OTULINL: variants seen among roughly 807,000 people sequenced by gnomAD.
OTULINL encodes the protein inactive ubiquitin thioesterase OTULINL.
A neutral mutation model predicts 43.9 loss-of-function variants in OTULINL; 42 were observed. That is an observed-to-expected ratio of 0.96 (90% CI 0.75 to 1.24). OTULINL has a LOEUF of 1.24. Ranked by LOEUF, OTULINL falls within the 50% of genes most tolerant of loss-of-function variation. OTULINL has a pLI of 0.00. For missense variants in OTULINL, 411 were observed against 426.4 expected (o/e 0.96, Z 0.32); for synonymous variants, 172 against 153.6 (o/e 1.12, Z -0.88).
At position 14,581,819 on chromosome 5, in the gene OTULINL, G is replaced by A; in HGVS notation, c.-76G>A. 1 of 1,206,042 alleles carries A rather than the reference G, an allele frequency of 8.3e-7. No homozygotes were observed. 74.7% of individuals were successfully genotyped at this position (1,206,042 alleles called of 1,614,324 possible). A position where few individuals can be genotyped will look rare whatever the true frequency, so the allele number is the denominator to read the frequency against. On this transcript the variant is annotated 5_prime_UTR_variant, in exon 1 of 8. Coordinates refer to ENST00000274217, the MANE Select transcript of OTULINL (RefSeq NM_019018.3). ...CTCAGGGAAGCGAGCCCGGGCGCCG[G>A]CGGGCGGCCGTCGCGTCTGACAGAC...
rs1759519943 is a variant in OTULINL at position 14,608,631 on chromosome 5, A to C, written c.628-117A>C. 7.0e-6 allele frequency: 6 copies of C among 860,534 alleles called. No homozygotes were observed. The Admixed American group carries it at 1.2e-4, about 17-fold the overall frequency. 53.3% of individuals were successfully genotyped at this position (860,534 alleles called of 1,614,324 possible). On this transcript the variant is annotated intron_variant, in intron 6 of 7. Transcript: ENST00000274217. ...GCCGAAAGATAGAAAGTGAAGAGTT[A>C]AAGTTCCACTTTTTTCTATTAATCT...
chr5:14,608,794 TGTG>T lies in OTULINL; in HGVS notation c.675_677del (p.Met225_Cys226delinsIle). 1 of 1,612,842 alleles carries T rather than the reference TGTG, an allele frequency of 6.2e-7. No individual in the cohort carries two copies. The highest frequency in any genetic ancestry group is 8.5e-7 in the Non-Finnish European group (1 of 1,178,916). On this transcript the variant is annotated inframe_deletion, in exon 7 of 8. Transcript: ENST00000274217. ...AGAGATTATCACAAGAGAGGAAGTA[TGTG>T]CAACACCCTTTTTTCAGATGCCATT...
At chr5:14,600,756 G>A (rs111304003) in intron 1 of OTULINL, among the ~76,000 whole-genome samples, 68 of 152,178 alleles carry the variant, frequency 4.5e-4, no homozygotes, top group African/African-American at 1.5e-3. Context: ...CTTGTATATG[G>A]TGCTGATTAT....
intron 5 of OTULINL, 97 bp from the exon 6 acceptor site, chr5:14,607,233 A>T: frequency 7.4e-7 from 1 of 1,356,480 alleles, no homozygotes. Context: ...CCATCTCGAA[A>T]AAAAAAAAGA....
chr5:14,605,246 ATGGCCCTAGCTATACCTTGCT>A (rs1560966876), intron 5 of OTULINL, among the ~76,000 whole-genome samples: 3 of 152,212 alleles, frequency 2.0e-5, no homozygotes, highest in African/African-American at 7.2e-5. Flanking sequence ...CTCTGAAGGC[ATGGCCCTAGCTATACCTTGCT>A]TGGCCCCTTT....
chr5:14,598,751 A>G (rs997937996), intron 1 of OTULINL, among the ~76,000 whole-genome samples: 3 of 152,220 alleles, frequency 2.0e-5, no homozygotes, highest in African/African-American at 7.2e-5. Flanking sequence ...AGGACAGTTT[A>G]TACTGAAATA....
rs1759598372 is a variant in OTULINL, at chr5:14,612,485, C to A, written c.*2171C>A. ...ACCAAGTTGCGAGAAAGATTTCAAT[C>A]CAGTGAAAGTAAAAAGTAAGAAGAC... On this transcript the variant is annotated 3_prime_UTR_variant, in exon 8 of 8. Coordinates refer to ENST00000274217, the MANE Select transcript of OTULINL (RefSeq NM_019018.3). The A allele has an allele frequency of 6.6e-6, 1 of 152,114 alleles. No homozygotes were observed. Among genetic ancestry groups the A allele is most frequent in the Non-Finnish European group, 1.5e-5 (1 of 68,032 alleles). 9.4% of individuals were successfully genotyped at this position (152,114 alleles called of 1,614,324 possible). A position where few individuals can be genotyped will look rare whatever the true frequency, so the allele number is the denominator to read the frequency against.
At chr5:14,587,272 G>A (rs1759115728) in intron 1 of OTULINL, among the ~76,000 whole-genome samples, 1 of 152,168 alleles carries the variant, frequency 6.6e-6, no homozygotes, top group Admixed American at 6.5e-5. Context: ...AGAAAGACTG[G>A]GTGCTGTGTG....
At chr5:14,597,713 A>G (rs1759311302) in intron 1 of OTULINL, among the ~76,000 whole-genome samples, 2 of 152,186 alleles carry the variant, frequency 1.3e-5, no homozygotes, top group African/African-American at 4.8e-5. Context: ...GCCTGCTTCC[A>G]TGTGACTTCA....
chr5:14,586,580 C>T (rs1289667383), intron 1 of OTULINL, among the ~76,000 whole-genome samples: 34 of 152,188 alleles, frequency 2.2e-4, no homozygotes, highest in Non-Finnish European at 4.4e-5. Context: ...AACCATGTTA[C>T]TATGACATCA....
chr5:14,607,950 T>C (rs771545806), intron 6 of OTULINL, among the ~76,000 whole-genome samples: 4 of 152,230 alleles, frequency 2.6e-5, no homozygotes, highest in Non-Finnish European at 5.9e-5. Context: ...TCCATAGTTT[T>C]CTTATGTATT....
Position 14,613,836 on chromosome 5 carries a change from GC to G in OTULINL, c.*3523del, listed in dbSNP as rs541180123. Among the ~76,000 whole-genome samples, 2 of 152,148 alleles carry G rather than the reference GC, an allele frequency of 1.3e-5. No homozygotes were observed. Among genetic ancestry groups the G allele is most frequent in the Admixed American group, 6.5e-5 (1 of 15,272 alleles). On this transcript the variant is annotated 3_prime_UTR_variant, in exon 8 of 8. Coordinates refer to ENST00000274217, the MANE Select transcript of OTULINL (RefSeq NM_019018.3). ...AGAGAAGAGCAGCCAGGATCAGGGG[GC>G]ATTAACGTTAATTTTCCCAGGACTT...
chr5:14,604,942 A>G (rs895041720), intron 5 of OTULINL, among the ~76,000 whole-genome samples: 1 of 152,048 alleles, frequency 6.6e-6, no homozygotes, highest in Non-Finnish European at 1.5e-5. Flanking sequence ...TGGTGGTTCT[A>G]CCATTCTGGG....
chr5:14,593,170 G>A (rs1759233740), intron 1 of OTULINL, among the ~76,000 whole-genome samples: 1 of 152,122 alleles, frequency 6.6e-6, no homozygotes, highest in South Asian at 2.1e-4. Flanking sequence ...GTAGAATAAT[G>A]ATCAAAGTTG....
intron 1 of OTULINL, among the ~76,000 whole-genome samples, chr5:14,600,491 G>A (rs2126779553): frequency 6.6e-6 from 1 of 152,328 alleles, no homozygotes; most frequent in Middle Eastern, 3.4e-3. Flanking sequence ...CTGTAATTGT[G>A]TATGGGATCC....
At chr5:14,583,640 G>C (rs149014263) in intron 1 of OTULINL, among the ~76,000 whole-genome samples, 132 of 152,334 alleles carry the variant, frequency 8.7e-4, no homozygotes, top group African/African-American at 3.0e-3. Context: ...GGGATCTGCA[G>C]TTGGTGTGCA....
intron 1 of OTULINL, among the ~76,000 whole-genome samples, chr5:14,584,152 C>A (rs1759065392): frequency 1.3e-5 from 2 of 152,210 alleles, no homozygotes; most frequent in African/African-American, 4.8e-5. Flanking sequence ...AGGCAAACCA[C>A]TGTGTTTGCA....
chr5:14,582,390 C>G (rs1303062389), intron 1 of OTULINL, among the ~76,000 whole-genome samples: 2 of 152,054 alleles, frequency 1.3e-5, no homozygotes, highest in Non-Finnish European at 2.9e-5. Context: ...GGGAGCTCGA[C>G]TCGCTGACGG....
At chr5:14,587,543 C>G (rs1759127454) in intron 1 of OTULINL, among the ~76,000 whole-genome samples, 2 of 152,208 alleles carry the variant, frequency 1.3e-5, no homozygotes, top group South Asian at 4.1e-4. Flanking sequence ...GAAATGGAAA[C>G]ATAGCCAATG....
Sources: allele counts gnomAD v4.1 joint callset (sites outside exome capture counted in the v4.1 genomes callset), GRCh38; gene constraint gnomAD v4.1.1; transcripts MANE v1.5; gene names NCBI Gene and HGNC (gene_info 2026-07-23, HGNC 2026-07-21).